The following RARS2 variants were observed in gnomAD, a reference collection of about 807,000 sequenced individuals.
RARS2 encodes probable arginine--tRNA ligase, mitochondrial.
In RARS2, 67 loss-of-function variants were observed where a neutral mutation model predicts 88.5. The observed-to-expected ratio is 0.76, with a 90% CI of 0.62 to 0.93. The LOEUF (loss-of-function observed/expected upper bound fraction) is 0.93. Ranked by LOEUF, RARS2 falls within the 40% of genes least tolerant of loss-of-function variation. The pLI is 0.00. For synonymous variants in RARS2, 239 were observed against 230.3 expected (o/e 1.04, Z -0.34); for missense variants, 664 against 684.2 (o/e 0.97, Z 0.33).
chr6:87,543,055 A>C (rs934052824), intron 7 of RARS2, among the ~76,000 whole-genome samples: 1 of 152,220 alleles, frequency 6.6e-6, no homozygotes. Flanking sequence ...TAATCCCAGC[A>C]CATTGGGAGG....
chr6:87,551,900 T>C (rs1285456095), intron 5 of RARS2, among the ~76,000 whole-genome samples: 1 of 152,140 alleles, frequency 6.6e-6, no homozygotes, highest in African/African-American at 2.4e-5. Flanking sequence ...AGCTGATTTG[T>C]ACAAAATAGG....
intron 1 of RARS2, among the ~76,000 whole-genome samples, chr6:87,574,372 G>A (rs1193254702): frequency 6.6e-6 from 1 of 152,190 alleles, no homozygotes; most frequent in Non-Finnish European, 1.5e-5. Context: ...AGACAAAAGA[G>A]GAATGGAAAG....
At position 87,572,885 on chromosome 6, in the gene RARS2, C is replaced by G. The variant is rs139630815; in HGVS notation, c.37-3295G>C. 3.8e-3 allele frequency among the ~76,000 whole-genome samples: 585 copies of G among 152,188 alleles called. 2 individuals carry two copies. The highest frequency in any genetic ancestry group is 0.012 in the African/African-American group (501 of 41,508). On this transcript the variant is annotated intron_variant, in intron 1 of 19. Coordinates refer to ENST00000369536, the MANE Select transcript of RARS2 (RefSeq NM_020320.5). ...CAATCAAGGTACAAAGGGAATCTAT[C>G]TACACAGCATGTTTTACACCTAGTA...
At chr6:87,567,528 TAATTC>T (rs1356374258) in intron 2 of RARS2, among the ~76,000 whole-genome samples, 5 of 152,228 alleles carry the variant, frequency 3.3e-5, no homozygotes, top group African/African-American at 4.8e-5. Context: ...CAGAGTAAAT[TAATTC>T]ATTATATTAA....
chr6:87,548,998 G>C (rs1334944144), intron 5 of RARS2, among the ~76,000 whole-genome samples: 1 of 152,154 alleles, frequency 6.6e-6, no homozygotes, highest in Non-Finnish European at 1.5e-5. Flanking sequence ...AAGACTGCTT[G>C]AGGCCAGAAG....
At chr6:87,528,242 C>CAAAAAA (rs71018029) in intron 10 of RARS2, among the ~76,000 whole-genome samples, 5 of 119,686 alleles carry the variant, frequency 4.2e-5, no homozygotes, top group African/African-American at 5.7e-5. Context: ...GCTTTTATAA[C>CAAAAAA]AAAAAAAAAA....
chr6:87,535,676 GTTTTT>G (rs10710147), intron 8 of RARS2, among the ~76,000 whole-genome samples: 1 of 111,396 alleles, frequency 9.0e-6, no homozygotes, highest in Admixed American at 1.0e-4. Flanking sequence ...TAACTGTTTT[GTTTTT>G]TTTTTTTTTT....
At chr6:87,549,046 T>C (rs1490971842) in intron 5 of RARS2, among the ~76,000 whole-genome samples, 1 of 152,044 alleles carries the variant, frequency 6.6e-6, no homozygotes, top group Non-Finnish European at 1.5e-5. Context: ...AGACTGTCTC[T>C]ACAAAAAAAA....
At chr6:87,538,225 C>T (rs888475827) in intron 8 of RARS2, among the ~76,000 whole-genome samples, 2 of 152,162 alleles carry the variant, frequency 1.3e-5, no homozygotes, top group Admixed American at 6.5e-5. Context: ...ATGGTCTTGT[C>T]GTCTATTACA....
Position 87,568,633 on chromosome 6 carries a change from C to A in RARS2, c.110+884G>T, listed in dbSNP as rs183483102. Among the ~76,000 whole-genome samples the A allele has an allele frequency of 2.5e-3, 379 of 152,338 alleles. 2 individuals carry two copies. Among genetic ancestry groups the A allele is most frequent in the African/African-American group, 8.8e-3 (365 of 41,570 alleles). On this transcript the variant is annotated intron_variant, in intron 2 of 19. Transcript: ENST00000369536. ...AATCATGAGATCCTCTTGGTAGTGG[C>A]TGCCTCTCTTACAGAAAGTCAATAT...
At chr6:87,561,178 G>T (rs1263566294) in intron 4 of RARS2, among the ~76,000 whole-genome samples, 3 of 152,168 alleles carry the variant, frequency 2.0e-5, no homozygotes, top group African/African-American at 4.8e-5. Flanking sequence ...AAATAGCTCA[G>T]AGTAGTCTCA....
intron 2 of RARS2, among the ~76,000 whole-genome samples, chr6:87,566,274 C>CT (rs1767836387): frequency 6.6e-6 from 1 of 152,138 alleles, no homozygotes; most frequent in African/African-American, 2.4e-5. Flanking sequence ...ATTCAAATAT[C>CT]TTATGTTTTT....
intron 7 of RARS2, 32 bp from the exon 8 acceptor site, chr6:87,542,026 A>G (rs1370753216): frequency 3.2e-6 from 5 of 1,538,600 alleles, no homozygotes; most frequent in African/African-American, 1.4e-5. Flanking sequence ...GAAAAATTAT[A>G]AAGTTGAACA....
intron 2 of RARS2, 68 bp from the exon 3 acceptor site, chr6:87,564,300 A>C: frequency 8.9e-7 from 1 of 1,121,366 alleles, no homozygotes; most frequent in Non-Finnish European, 1.3e-6. Context: ...ACAAAGACTA[A>C]TCACTATGAG....
chr6:87,538,776 A>G (rs1357303646), intron 8 of RARS2, among the ~76,000 whole-genome samples: 3 of 152,134 alleles, frequency 2.0e-5, no homozygotes, highest in Admixed American at 6.5e-5. Flanking sequence ...GCTCACACCT[A>G]TAATCCCAGC....
At chr6:87,527,992 G>A (rs1457024622) in intron 10 of RARS2, among the ~76,000 whole-genome samples, 2 of 150,836 alleles carry the variant, frequency 1.3e-5, no homozygotes, top group East Asian at 2.0e-4. Flanking sequence ...GTTGCCAGGT[G>A]CAGCAAATCA....
intron 1 of RARS2, among the ~76,000 whole-genome samples, chr6:87,578,111 C>T (rs961159470): frequency 1.4e-5 from 2 of 148,100 alleles, no homozygotes; most frequent in South Asian, 4.3e-4. Flanking sequence ...AGCGAGACCC[C>T]CCCCCCCGCC....
chr6:87,567,162 G>A (rs1315751394), intron 2 of RARS2, among the ~76,000 whole-genome samples: 2 of 152,228 alleles, frequency 1.3e-5, no homozygotes, highest in Admixed American at 1.3e-4. Flanking sequence ...TGAGGCAGGA[G>A]GATGGCTTGA....
chr6:87,560,627 G>A (rs1395398247), intron 4 of RARS2, among the ~76,000 whole-genome samples: 1 of 152,188 alleles, frequency 6.6e-6, no homozygotes, highest in African/African-American at 2.4e-5. Context: ...GGCAGGGCAC[G>A]GTGGCTCACG....
Sources: gnomAD v4.1 joint callset for allele counts (sites outside exome capture counted in the v4.1 genomes callset) on GRCh38, gnomAD v4.1.1 for gene constraint, MANE v1.5 for transcripts, NCBI Gene and HGNC (gene_info 2026-07-23, HGNC 2026-07-21) for gene names.